Variants in FBN2 observed in about 807,000 individuals in gnomAD.
FBN2 encodes fibrillin 2.
A neutral mutation model predicts 355.6 loss-of-function variants in FBN2; 105 were observed. The ratio of observed to expected loss-of-function variants is 0.30; its 90% CI spans 0.25 to 0.35. FBN2 has a LOEUF of 0.35. Ranked by LOEUF, FBN2 falls within the 10% of genes least tolerant of loss-of-function variation. FBN2 has a pLI of 1.00. For synonymous variants in FBN2, 1,350 were observed against 1,301.2 expected (o/e 1.04, Z -0.81); for missense variants, 3,280 against 3,758.7 (o/e 0.87, Z 3.33).
chr5:128,303,018 G>C lies in FBN2; in HGVS notation c.5872C>G (p.Leu1958Val), dbSNP rs759729278. 3 of 1,611,932 alleles carry C rather than the reference G, an allele frequency of 1.9e-6. No homozygotes were observed. The African/African-American group carries it at 4.0e-5, about 22-fold the overall frequency. The change falls in exon 46 of 65, where the codon CTG (leucine) becomes GTG (valine). Residue 1958 changes from leucine to valine, a missense_variant. Leu to Val is a conservative substitution (Grantham distance 32). Coordinates refer to ENST00000262464, the MANE Select transcript of FBN2 (RefSeq NM_001999.4). ...GTGAGTTCAAACCCTGGGTAGCACA[G>C]ACAGTTATAGGATCCAACGGTGTTT... ...CKNTVGSYNC[L>V]CYPGFELTHN... is the part of the protein sequence containing the mutation.
chr5:128,391,940 T>C lies in FBN2; in HGVS notation c.1603+78A>G, dbSNP rs749232843. The stretch of plus-strand genomic sequence containing the variant: ...TATTTCAAAAGACTTAAAAAAATCA[T>C]ATTCATTCCAATTTGATCCTGTAAT... On this transcript the variant is annotated intron_variant, in intron 11 of 64. Coordinates refer to ENST00000262464, the MANE Select transcript of FBN2 (RefSeq NM_001999.4). 91 of 1,334,942 alleles carry C rather than the reference T, an allele frequency of 6.8e-5. 1 individual carries two copies. Among genetic ancestry groups the C allele is most frequent in the Non-Finnish European group, 8.9e-5 (83 of 931,620 alleles). 82.7% of individuals were successfully genotyped at this position (1,334,942 alleles called of 1,614,324 possible).
At chr5:128,330,776 C>T (rs1160446582) in intron 32 of FBN2, 81 bp from the exon 33 acceptor site, 18 of 1,463,588 alleles carry the variant, frequency 1.2e-5, no homozygotes, top group Non-Finnish European at 1.7e-5. Flanking sequence ...TCTTAATTTA[C>T]ATATAAACTG....
intron 5 of FBN2, among the ~76,000 whole-genome samples, chr5:128,478,564 TCTC>T (rs1301099484): frequency 6.6e-6 from 1 of 152,158 alleles, no homozygotes; most frequent in African/African-American, 2.4e-5. Context: ...CTTGACTAAT[TCTC>T]CTGTAGCACA....
At chr5:128,356,323 T>C (rs1751502914) in intron 20 of FBN2, among the ~76,000 whole-genome samples, 1 of 152,220 alleles carries the variant, frequency 6.6e-6, no homozygotes, top group Admixed American at 6.5e-5. Context: ...GTCATTTGTC[T>C]TTATGTAACA....
chr5:128,306,071 T>C lies in FBN2; in HGVS notation c.5423-123A>G, dbSNP rs954661871. 1.0e-5 allele frequency: 9 copies of C among 898,088 alleles called. No homozygotes were observed. The African/African-American group carries it at 1.2e-4, about 12-fold the overall frequency. 55.6% of individuals were successfully genotyped at this position (898,088 alleles called of 1,614,324 possible). On this transcript the variant is annotated intron_variant, in intron 42 of 64. Transcript: ENST00000262464. Reference sequence around the variant, plus strand: ...AATATTCAGTGTCACAAAAATCTATTATATACTAGTATAGCTAATTTTTTT... The same window carrying C: ...AATATTCAGTGTCACAAAAATCTATCATATACTAGTATAGCTAATTTTTTT...
At position 128,446,552 on chromosome 5, in the gene FBN2, T is replaced by C; in HGVS notation, c.881A>G (p.Asn294Ser). 2 of 1,613,942 alleles carry C rather than the reference T, an allele frequency of 1.2e-6. No homozygotes were observed. Among genetic ancestry groups the C allele is most frequent in the Non-Finnish European group, 1.7e-6 (2 of 1,179,814 alleles). Residue 294 changes from asparagine to serine, a missense_variant, in exon 7 of 65, where the codon AAT becomes AGT. Asn to Ser is a conservative substitution (Grantham distance 46). Coordinates refer to ENST00000262464, the MANE Select transcript of FBN2 (RefSeq NM_001999.4). ...PGICQGGNCINTVGSFECRCP... is the reference protein window; with the variant it reads ...PGICQGGNCISTVGSFECRCP... ...TCTGCATTCAAAAGAGCCCACTGTATTGATACAGTTTCCTCCTTGGCATAT... is the reference window on the plus strand; with the variant it reads ...TCTGCATTCAAAAGAGCCCACTGTACTGATACAGTTTCCTCCTTGGCATAT...
At chr5:128,410,880 T>C (rs1753044335) in intron 7 of FBN2, among the ~76,000 whole-genome samples, 1 of 152,210 alleles carries the variant, frequency 6.6e-6, no homozygotes, top group African/African-American at 2.4e-5. Context: ...AGGTTTTGTA[T>C]AAAAAATAGA....
intron 6 of FBN2, among the ~76,000 whole-genome samples, chr5:128,454,727 T>C (rs1431521208): frequency 1.3e-5 from 2 of 152,330 alleles, no homozygotes; most frequent in African/African-American, 4.8e-5. Context: ...CACCAGCATT[T>C]GTTTTGCAGA....
At chr5:128,503,276 A>T (rs1484250492) in intron 5 of FBN2, among the ~76,000 whole-genome samples, 1 of 152,214 alleles carries the variant, frequency 6.6e-6, no homozygotes, top group African/African-American at 2.4e-5. Context: ...TTTCCTTTAT[A>T]AATCACCCAG....
chr5:128,268,383 T>C (rs1765173537), intron 62 of FBN2, among the ~76,000 whole-genome samples: 1 of 152,100 alleles, frequency 6.6e-6, no homozygotes, highest in Non-Finnish European at 1.5e-5. Flanking sequence ...CAGTAATTAA[T>C]AGCCTACCAA....
chr5:128,474,493 C>G (rs1004898248), intron 5 of FBN2, among the ~76,000 whole-genome samples: 5 of 152,070 alleles, frequency 3.3e-5, no homozygotes, highest in African/African-American at 9.7e-5. Context: ...AGAAATAGAA[C>G]CAATAGAAAC....
In FBN2 at chr5:128,537,740, T is replaced by C. The variant is rs1020858114; in HGVS notation, c.-137A>G. ...GGGACTCCCTCGGGCTCGGGCTCCCTGCTCTAGCTGGAGACCTCGACAGAG... is the reference window on the plus strand; with the variant it reads ...GGGACTCCCTCGGGCTCGGGCTCCCCGCTCTAGCTGGAGACCTCGACAGAG... On this transcript the variant is annotated 5_prime_UTR_variant, in exon 1 of 65. Coordinates refer to ENST00000262464, the MANE Select transcript of FBN2 (RefSeq NM_001999.4). 12 of 846,248 alleles carry C rather than the reference T, an allele frequency of 1.4e-5. No individual in the cohort carries two copies. Among genetic ancestry groups the C allele is most frequent in the Non-Finnish European group, 2.1e-5 (11 of 533,042 alleles). The allele number at this position is 846,248 out of a possible 1,614,324, so 52.4% of individuals were successfully genotyped here.
At chr5:128,346,987 A>G (rs1751199054) in intron 23 of FBN2, among the ~76,000 whole-genome samples, 1 of 152,348 alleles carries the variant, frequency 6.6e-6, no homozygotes, top group South Asian at 2.1e-4. Context: ...GTGAAGTGTG[A>G]TAGTAATCCA....
chr5:128,322,267 G>A (rs1470326095), intron 34 of FBN2, among the ~76,000 whole-genome samples: 1 of 152,032 alleles, frequency 6.6e-6, no homozygotes, highest in Non-Finnish European at 1.5e-5. Flanking sequence ...TTCTTTTGCT[G>A]TGCACAAGCT....
chr5:128,351,880 T>C (rs2126923874), intron 20 of FBN2, among the ~76,000 whole-genome samples: 1 of 151,946 alleles, frequency 6.6e-6, no homozygotes, highest in South Asian at 2.1e-4. Context: ...TTTTTTTTTT[T>C]CTTTTAACAT....
rs565625424 is a variant in FBN2, at chr5:128,471,241, T to G, written c.629-6320A>C. Among the ~76,000 whole-genome samples, 5 of 152,206 alleles carry G rather than the reference T, an allele frequency of 3.3e-5. No homozygotes were observed. In the East Asian group the frequency reaches 9.7e-4, roughly 29 times the overall value. On this transcript the variant is annotated intron_variant, in intron 5 of 64. Transcript: ENST00000262464. ...TTTTTGACCAACAATTCTGTCCTTATTATAAATGAGGTTCCATGTATTTCA... is the reference window on the plus strand; with the variant it reads ...TTTTTGACCAACAATTCTGTCCTTAGTATAAATGAGGTTCCATGTATTTCA...
intron 63 of FBN2, among the ~76,000 whole-genome samples, chr5:128,262,588 T>C (rs967698497): frequency 1.9e-4 from 29 of 152,348 alleles, no homozygotes; most frequent in Admixed American, 5.9e-4. Flanking sequence ...CAAAGCTCCC[T>C]GCTTTAAAAA....
At chr5:128,497,466 A>C (rs988703065) in intron 5 of FBN2, among the ~76,000 whole-genome samples, 1 of 152,180 alleles carries the variant, frequency 6.6e-6, no homozygotes, top group African/African-American at 2.4e-5. Context: ...CAAAGTGGTT[A>C]AGTAATTTTA....
chr5:128,400,354 A>T (rs906556303), intron 8 of FBN2, among the ~76,000 whole-genome samples: 2 of 152,166 alleles, frequency 1.3e-5, no homozygotes, highest in African/African-American at 4.8e-5. Flanking sequence ...TTTATCACTT[A>T]TAGCATAAGA....
Sources: gnomAD v4.1 joint callset for allele counts (sites outside exome capture counted in the v4.1 genomes callset) on GRCh38, gnomAD v4.1.1 for gene constraint, MANE v1.5 for transcripts, NCBI Gene and HGNC (gene_info 2026-07-23, HGNC 2026-07-21) for gene names.